NUDT21: variants seen among roughly 807,000 people sequenced by gnomAD.
The protein encoded by NUDT21 is nudix hydrolase 21, also known as cleavage and polyadenylation specificity factor subunit 5.
In NUDT21, 5 loss-of-function variants were observed where a neutral mutation model predicts 29.8. That is an observed-to-expected ratio of 0.17 (90% CI 0.09 to 0.35). The LOEUF (loss-of-function observed/expected upper bound fraction) is 0.35. NUDT21 is among the 10% of genes least tolerant of loss of function. The pLI, the probability that NUDT21 is intolerant of heterozygous loss-of-function variation, is 1.00. For synonymous variants in NUDT21, 113 were observed against 98.5 expected (o/e 1.15, Z -0.87); for missense variants, 76 against 276.0 (o/e 0.28, Z 5.13).
chr16:56,432,651 C>T lies in NUDT21; in HGVS notation c.*61G>A. ...ACTTTTCTACCACATTTATTCTACA[C>T]TGTATATAGCTGTGCTCACAGAGAC... On this transcript the variant is annotated 3_prime_UTR_variant, in exon 7 of 7. Coordinates refer to ENST00000300291, the MANE Select transcript of NUDT21 (RefSeq NM_007006.3). 3 of 1,469,164 alleles carry T rather than the reference C, an allele frequency of 2.0e-6. No homozygotes were observed. Among genetic ancestry groups the T allele is most frequent in the Non-Finnish European group, 2.8e-6 (3 of 1,080,536 alleles). The allele number at this position is 1,469,164 out of a possible 1,614,324, so 91.0% of individuals were successfully genotyped here. A position where few individuals can be genotyped will look rare whatever the true frequency, so the allele number is the denominator to read the frequency against.
At chr16:56,448,066 C>T in intron 1 of NUDT21, 77 bp from the exon 2 acceptor site, 1 of 1,302,192 alleles carries the variant, frequency 7.7e-7, no homozygotes, top group Non-Finnish European at 1.1e-6. Flanking sequence ...CATAAAGAAA[C>T]CATGGTACAA....
intron 1 of NUDT21, among the ~76,000 whole-genome samples, chr16:56,449,711 A>G (rs1962259972): frequency 6.6e-6 from 1 of 152,262 alleles, no homozygotes; most frequent in Non-Finnish European, 1.5e-5. Context: ...ACCGAAAGTA[A>G]TCCAGAAGCT....
intron 3 of NUDT21, among the ~76,000 whole-genome samples, chr16:56,444,878 CATG>C (rs1353209538): frequency 6.6e-6 from 1 of 152,160 alleles, no homozygotes; most frequent in Non-Finnish European, 1.5e-5. Flanking sequence ...TGAGCACTGA[CATG>C]ATGCTCACAG....
Position 56,434,334 on chromosome 16 carries a change from C to T in NUDT21, c.659G>A (p.Ser220Asn). Residue 220 changes from serine to asparagine, a missense_variant, in exon 6 of 7, where the codon AGC becomes AAC. This residue lies in a region of NUDT21 where 13 missense variants were observed against 59.7 expected (regional missense o/e 0.22). Coordinates refer to ENST00000300291, the MANE Select transcript of NUDT21 (RefSeq NM_007006.3). ...PIISSLPQLL[S>N]RFNFIYN ...AAAAATGTTCAACTTTCTGTACCTGCTCAACAGCTGAGGGAGACTAGAAAT... is the reference window on the plus strand; with the variant it reads ...AAAAATGTTCAACTTTCTGTACCTGTTCAACAGCTGAGGGAGACTAGAAAT... 2 of 1,600,788 alleles carry T rather than the reference C, an allele frequency of 1.2e-6. No homozygotes were observed.
chr16:56,437,334 TCCA>T (rs768283465), intron 4 of NUDT21, among the ~76,000 whole-genome samples: 5 of 152,216 alleles, frequency 3.3e-5, no homozygotes, highest in African/African-American at 4.8e-5. Context: ...TTTAAGAAGT[TCCA>T]CCATTAGCAA....
chr16:56,434,265 T>C (rs1962069430), intron 6 of NUDT21, 66 bp downstream of exon 6: 1 of 997,814 alleles, frequency 1.0e-6, no homozygotes, highest in African/African-American at 1.6e-5. Flanking sequence ...CCTTCCCAAG[T>C]GGCTCAGAAT....
intron 3 of NUDT21, among the ~76,000 whole-genome samples, chr16:56,440,983 G>A (rs766425817): frequency 4.6e-5 from 7 of 151,980 alleles, no homozygotes; most frequent in Non-Finnish European, 1.0e-4. Context: ...CAGATGATCT[G>A]CCCACCTCAC....
At chr16:56,446,909 ATTTATT>A (rs370617751) in intron 2 of NUDT21, 19 of 391,862 alleles carry the variant, frequency 4.8e-5, no homozygotes, top group African/African-American at 2.1e-4. Context: ...CTTCGTATAT[ATTTATT>A]TTTATTTTAT....
At chr16:56,440,054 G>A (rs146907983) in intron 3 of NUDT21, among the ~76,000 whole-genome samples, 1,805 of 152,208 alleles carry the variant, frequency 0.012, 41 homozygotes, top group African/African-American at 0.041. Flanking sequence ...ATTTTAAGTG[G>A]CCAAAAATAG....
intron 6 of NUDT21, among the ~76,000 whole-genome samples, chr16:56,433,917 C>T (rs1231328462): frequency 6.6e-6 from 1 of 152,086 alleles, no homozygotes; most frequent in Admixed American, 6.5e-5. Flanking sequence ...GAACTCCTGA[C>T]CTGGTGATAC....
At position 56,431,944 on chromosome 16, in the gene NUDT21, A is replaced by G. The variant is rs1321607527; in HGVS notation, c.*768T>C. ...AAACCTAATACATCCAATTTTAGAA[A>G]TTTCCTTCACAGATCCCTATTTTTA... On this transcript the variant is annotated 3_prime_UTR_variant, in exon 7 of 7. Coordinates refer to ENST00000300291, the MANE Select transcript of NUDT21 (RefSeq NM_007006.3). 1 of 152,174 alleles carries G rather than the reference A, an allele frequency of 6.6e-6. No individual in the cohort carries two copies. The highest frequency in any genetic ancestry group is 1.9e-4 in the East Asian group (1 of 5,202). 9.4% of individuals were successfully genotyped at this position (152,174 alleles called of 1,614,324 possible).
At chr16:56,435,743 TTA>T (rs777245596) in intron 4 of NUDT21, among the ~76,000 whole-genome samples, 424 of 27,014 alleles carry the variant, frequency 0.016, 2 homozygotes, top group Middle Eastern at 0.031. Flanking sequence ...AAAAAAAAAA[TTA>T]TATATATATA....
At position 56,429,911 on chromosome 16, in the gene NUDT21, C is replaced by A. The variant is rs1374432598; in HGVS notation, c.*2801G>T. 2 of 152,064 alleles carry A rather than the reference C, an allele frequency of 1.3e-5. No individual in the cohort carries two copies. The highest frequency in any genetic ancestry group is 2.9e-5 in the Non-Finnish European group (2 of 68,014). 9.4% of individuals were successfully genotyped at this position (152,064 alleles called of 1,614,324 possible). A position where few individuals can be genotyped will look rare whatever the true frequency, so the allele number is the denominator to read the frequency against. On this transcript the variant is annotated 3_prime_UTR_variant, in exon 7 of 7. Coordinates refer to ENST00000300291, the MANE Select transcript of NUDT21 (RefSeq NM_007006.3). ...TGTAAAAATAAAGTCATTAAAAAGC[C>A]GAGAACATAAGAGCACAACATTTAA...
Position 56,451,294 on chromosome 16 carries a change from C to T in NUDT21, c.-92G>A, listed in dbSNP as rs1017762951. 2.0e-6 allele frequency: 2 copies of T among 975,928 alleles called. No homozygotes were observed. The highest frequency in any genetic ancestry group is 3.1e-6 in the Non-Finnish European group (2 of 653,406). The allele number at this position is 975,928 out of a possible 1,614,324, so 60.5% of individuals were successfully genotyped here. ...AAGCGGTTATCTGCAATCCCCTCAG[C>T]GGCTACTGCCCGCCATTAACAGGAC... is the stretch of plus-strand genomic sequence containing the variant. On this transcript the variant is annotated 5_prime_UTR_variant, in exon 1 of 7. Coordinates refer to ENST00000300291, the MANE Select transcript of NUDT21 (RefSeq NM_007006.3).
chr16:56,437,528 T>C (rs531459681), intron 4 of NUDT21, among the ~76,000 whole-genome samples: 3 of 152,194 alleles, frequency 2.0e-5, no homozygotes, highest in Non-Finnish European at 4.4e-5. Context: ...TTGAAAAGTA[T>C]CAGAGGGTTC....
chr16:56,441,718 A>G lies in NUDT21; in HGVS notation c.382-1972T>C, dbSNP rs560138441. Among the ~76,000 whole-genome samples, 52 of 152,358 alleles carry G rather than the reference A, an allele frequency of 3.4e-4. No individual in the cohort carries two copies. In the South Asian group the frequency reaches 0.01, roughly 30 times the overall value. ...TGATCCGGTAGATCAGTCACAACAG[A>G]GCAATGATTAGCAAACCGTATCTCC... On this transcript the variant is annotated intron_variant, in intron 3 of 6. Coordinates refer to ENST00000300291, the MANE Select transcript of NUDT21 (RefSeq NM_007006.3).
At chr16:56,450,987 G>T (rs1962301694) in intron 1 of NUDT21, 100 bp downstream of exon 1, 2 of 910,736 alleles carry the variant, frequency 2.2e-6, no homozygotes, top group African/African-American at 1.7e-5. Context: ...GAGGCGGGGA[G>T]GTGCAGAGGC....
Position 56,432,671 on chromosome 16 carries a change from A to G in NUDT21, c.*41T>C, listed in dbSNP as rs748808351. ...CTACACTGTATATAGCTGTGCTCAC[A>G]GAGACAAGCGGCTTCTTTTACTTCT... is the stretch of plus-strand genomic sequence containing the variant. On this transcript the variant is annotated 3_prime_UTR_variant, in exon 7 of 7. Transcript: ENST00000300291. 58 of 1,597,876 alleles carry G rather than the reference A, an allele frequency of 3.6e-5. No homozygotes were observed. The highest frequency in any genetic ancestry group is 3.3e-4 in the Middle Eastern group (2 of 6,014).
chr16:56,440,798 G>A (rs769956152), intron 3 of NUDT21, among the ~76,000 whole-genome samples: 2 of 151,774 alleles, frequency 1.3e-5, no homozygotes, highest in Non-Finnish European at 2.9e-5. Context: ...GAGTGCAATG[G>A]CGCAATATCG....
Sources: gnomAD v4.1 joint callset for allele counts (sites outside exome capture counted in the v4.1 genomes callset) on GRCh38, gnomAD v4.1.1 for gene constraint, gnomAD v4.1.1 regional missense constraint, MANE v1.5 for transcripts, NCBI Gene and HGNC (gene_info 2026-07-23, HGNC 2026-07-21) for gene names.